The following ANGPT1 variants were observed in gnomAD, a reference collection of about 807,000 sequenced individuals.
ANGPT1 encodes angiopoietin-1.
In ANGPT1, 17 loss-of-function variants were observed where a neutral mutation model predicts 62.2. The observed-to-expected ratio is 0.27, with a 90% CI of 0.19 to 0.41. The LOEUF (loss-of-function observed/expected upper bound fraction) is 0.41, where lower values mean the gene tolerates loss of function less well. Among genes scored for constraint, ANGPT1 ranks in the 10% least tolerant of loss-of-function variants. The pLI is 1.00. For synonymous variants in ANGPT1, 199 were observed against 198.9 expected (o/e 1.00, Z 0.00); for missense variants, 478 against 594.9 (o/e 0.80, Z 2.04).
chr8:107,348,196 G>A (rs1283430560), intron 1 of ANGPT1, among the ~76,000 whole-genome samples: 6 of 152,150 alleles, frequency 3.9e-5, no homozygotes, highest in Non-Finnish European at 5.9e-5. Flanking sequence ...TGATAGCTAT[G>A]ACAAGTCGTG....
chr8:107,443,950 C>T (rs1811545970), intron 1 of ANGPT1, among the ~76,000 whole-genome samples: 1 of 151,966 alleles, frequency 6.6e-6, no homozygotes, highest in Non-Finnish European at 1.5e-5. Context: ...TTAATGTCTT[C>T]TCTCAGATTT....
intron 1 of ANGPT1, among the ~76,000 whole-genome samples, chr8:107,449,698 C>A (rs1268777325): frequency 1.3e-5 from 2 of 152,060 alleles, no homozygotes; most frequent in Non-Finnish European, 2.9e-5. Context: ...GACTTCCTTG[C>A]ATTAGCACAC....
intron 1 of ANGPT1, among the ~76,000 whole-genome samples, chr8:107,463,312 A>C (rs1283045432): frequency 6.6e-6 from 1 of 151,952 alleles, no homozygotes; most frequent in Non-Finnish European, 1.5e-5. Context: ...CCTAACTAAC[A>C]CCTTGATTAT....
chr8:107,446,365 C>T (rs556367357), intron 1 of ANGPT1, among the ~76,000 whole-genome samples: 3 of 152,184 alleles, frequency 2.0e-5, no homozygotes, highest in South Asian at 2.1e-4. Context: ...TTGAACTAGC[C>T]ATATTTTAAG....
intron 6 of ANGPT1, among the ~76,000 whole-genome samples, chr8:107,285,814 C>A (rs572667654): frequency 6.6e-6 from 1 of 151,846 alleles, no homozygotes; most frequent in Non-Finnish European, 1.5e-5. Flanking sequence ...CAATGTAATT[C>A]TTGATCTACA....
intron 1 of ANGPT1, among the ~76,000 whole-genome samples, chr8:107,432,708 C>T (rs1455697603): frequency 1.3e-5 from 2 of 151,474 alleles, no homozygotes; most frequent in African/African-American, 4.9e-5. Context: ...GTTTAACTCA[C>T]CTTTCAGATT....
At chr8:107,349,986 A>G (rs777342990) in intron 1 of ANGPT1, among the ~76,000 whole-genome samples, 1 of 152,126 alleles carries the variant, frequency 6.6e-6, no homozygotes, top group African/African-American at 2.4e-5. Flanking sequence ...AACTGCCTGT[A>G]TGAGACCTGC....
chr8:107,325,265 C>T (rs375456437), intron 3 of ANGPT1, among the ~76,000 whole-genome samples: 13 of 152,184 alleles, frequency 8.5e-5, no homozygotes, highest in Admixed American at 3.9e-4. Flanking sequence ...GAATTAACCA[C>T]GACCAGTGTC....
At chr8:107,446,855 T>G (rs549593020) in intron 1 of ANGPT1, among the ~76,000 whole-genome samples, 1 of 152,232 alleles carries the variant, frequency 6.6e-6, no homozygotes, top group African/African-American at 2.4e-5. Flanking sequence ...ACTCAACAAT[T>G]GTATACTTGA....
chr8:107,306,275 A>G (rs117829613), intron 4 of ANGPT1, among the ~76,000 whole-genome samples: 4 of 152,254 alleles, frequency 2.6e-5, no homozygotes, highest in Non-Finnish European at 5.9e-5. Flanking sequence ...ATTTAGGATC[A>G]CATTGAATTA....
chr8:107,337,705 G>A (rs1815599591), intron 2 of ANGPT1, among the ~76,000 whole-genome samples: 1 of 152,174 alleles, frequency 6.6e-6, no homozygotes, highest in Admixed American at 6.5e-5. Flanking sequence ...TCAATGTAAA[G>A]TTCCTCTACA....
chr8:107,436,330 C>T (rs1378967228), intron 1 of ANGPT1, among the ~76,000 whole-genome samples: 1 of 152,208 alleles, frequency 6.6e-6, no homozygotes, highest in Non-Finnish European at 1.5e-5. Context: ...CTAGACTATA[C>T]ACTCTTCAAT....
chr8:107,285,875 T>C (rs1162271297), intron 6 of ANGPT1, among the ~76,000 whole-genome samples: 1 of 152,074 alleles, frequency 6.6e-6, no homozygotes, highest in African/African-American at 2.4e-5. Context: ...GAAACTGTGT[T>C]GTATTTGTGA....
intron 1 of ANGPT1, among the ~76,000 whole-genome samples, chr8:107,477,502 C>T (rs189410500): frequency 2.5e-4 from 38 of 152,204 alleles, no homozygotes; most frequent in African/African-American, 5.3e-4. Flanking sequence ...GTTTTCACTA[C>T]GGCAATGTCA....
At chr8:107,408,668 G>A (rs1293745681) in intron 1 of ANGPT1, among the ~76,000 whole-genome samples, 1 of 152,140 alleles carries the variant, frequency 6.6e-6, no homozygotes, top group Non-Finnish European at 1.5e-5. Flanking sequence ...TTGGAATTTT[G>A]GAGTAGACAC....
intron 1 of ANGPT1, among the ~76,000 whole-genome samples, chr8:107,353,508 C>T (rs187134326): frequency 2.0e-5 from 3 of 152,288 alleles, no homozygotes; most frequent in African/African-American, 7.2e-5. Flanking sequence ...CATGCTCCAT[C>T]CATTTCAGGG....
chr8:107,461,385 T>G, intron 1 of ANGPT1, among the ~76,000 whole-genome samples: 1 of 152,172 alleles, frequency 6.6e-6, no homozygotes, highest in Non-Finnish European at 1.5e-5. Context: ...AACTCAGTAT[T>G]TCTTTATACC....
intron 1 of ANGPT1, among the ~76,000 whole-genome samples, chr8:107,374,572 T>C (rs1331372698): frequency 2.0e-5 from 3 of 152,220 alleles, no homozygotes; most frequent in East Asian, 3.9e-4. Flanking sequence ...TGGGCGGTTT[T>C]CTAATTCTCT....
At chr8:107,479,982 C>G (rs1045531915) in intron 1 of ANGPT1, among the ~76,000 whole-genome samples, 2 of 152,098 alleles carry the variant, frequency 1.3e-5, no homozygotes, top group African/African-American at 4.8e-5. Context: ...TGAGAATAGA[C>G]AGAGGCAATA....
Sources: allele counts gnomAD v4.1 joint callset (sites outside exome capture counted in the v4.1 genomes callset), GRCh38; gene constraint gnomAD v4.1.1; transcripts MANE v1.5; gene names NCBI Gene and HGNC (gene_info 2026-07-23, HGNC 2026-07-21).